DNAH11: variants seen among roughly 807,000 people sequenced by gnomAD.
DNAH11 encodes the protein axonemal beta dynein heavy chain 11.
A neutral mutation model predicts 526.0 loss-of-function variants in DNAH11; 442 were observed. The observed-to-expected ratio is 0.84, with a 90% CI of 0.78 to 0.91. The LOEUF (loss-of-function observed/expected upper bound fraction) is 0.91. DNAH11 is among the 40% of genes least tolerant of loss of function. The pLI, the probability that DNAH11 is intolerant of heterozygous loss-of-function variation, is 0.00. For missense variants in DNAH11, 6,989 were observed against 5,448.7 expected (o/e 1.28, Z -8.90); for synonymous variants, 2,461 against 1,935.9 (o/e 1.27, Z -7.12).
intron 76 of DNAH11, among the ~76,000 whole-genome samples, chr7:21,889,677 T>C (rs932305410): frequency 3.9e-5 from 6 of 152,232 alleles, no homozygotes; most frequent in Non-Finnish European, 7.3e-5. Context: ...CATGTTCTCA[T>C]TGGCCATTTG....
chr7:21,825,068 G>A (rs1449606962), intron 65 of DNAH11, among the ~76,000 whole-genome samples: 5 of 151,950 alleles, frequency 3.3e-5, no homozygotes, highest in Admixed American at 6.6e-5. Context: ...AACAGGTTTC[G>A]CCATGTTGAC....
intron 44 of DNAH11, among the ~76,000 whole-genome samples, chr7:21,725,454 G>A (rs917288701): frequency 6.6e-6 from 1 of 152,182 alleles, no homozygotes; most frequent in Non-Finnish European, 1.5e-5. Flanking sequence ...ACAAAGGACA[G>A]TATTTAAATC....
In DNAH11 at chr7:21,650,863, C is replaced by T. The variant is rs562596885; in HGVS notation, c.4945-4969C>T. Among the ~76,000 whole-genome samples, 14 of 151,824 alleles carry T rather than the reference C, an allele frequency of 9.2e-5. No individual in the cohort carries two copies. The South Asian group carries it at 2.7e-3, about 29-fold the overall frequency. ...CCATATTGGCCAGGCTGGTCTCGAA[C>T]TCCTGACCTCAGGTGATCCACTTGC... On this transcript the variant is annotated intron_variant, in intron 28 of 81. Coordinates refer to ENST00000409508, the MANE Select transcript of DNAH11 (RefSeq NM_001277115.2).
intron 54 of DNAH11, among the ~76,000 whole-genome samples, chr7:21,763,409 C>T (rs988353729): frequency 1.4e-5 from 2 of 146,456 alleles, no homozygotes; most frequent in Non-Finnish European, 3.0e-5. Context: ...AGATACACAA[C>T]ATCACTAATC....
In DNAH11 at chr7:21,901,554, A is replaced by ACAAGACTCCATCTC. The variant is rs1398387519; in HGVS notation, c.*301_*314dup. The ACAAGACTCCATCTC allele has an allele frequency of 4.4e-6, 1 of 227,130 alleles. No individual in the cohort carries two copies. Among genetic ancestry groups the ACAAGACTCCATCTC allele is most frequent in the African/African-American group, 2.3e-5 (1 of 44,306 alleles). 14.1% of individuals were successfully genotyped at this position (227,130 alleles called of 1,614,324 possible). On this transcript the variant is annotated 3_prime_UTR_variant, in exon 82 of 82. Transcript: ENST00000409508. ...ACTGCACTCCCTCCTGGGCAACAGA[A>ACAAGACTCCATCTC]CAAGACTCCATCTCAAAAAAAAAAA...
chr7:21,688,500 C>A (rs1783478382), intron 34 of DNAH11, among the ~76,000 whole-genome samples: 1 of 152,150 alleles, frequency 6.6e-6, no homozygotes, highest in Non-Finnish European at 1.5e-5. Flanking sequence ...TTTAAAAAAA[C>A]TCTCTCTATG....
chr7:21,745,181 T>C, intron 51 of DNAH11, 118 bp downstream of exon 51: 1 of 1,027,268 alleles, frequency 9.7e-7, no homozygotes, highest in Non-Finnish European at 1.4e-6. Context: ...ATCTGCTGTT[T>C]GACATATAAT....
At chr7:21,684,999 A>G (rs1783310953) in intron 32 of DNAH11, among the ~76,000 whole-genome samples, 1 of 152,200 alleles carries the variant, frequency 6.6e-6, no homozygotes, top group African/African-American at 2.4e-5. Flanking sequence ...CTGGTTTGCT[A>G]TGGTAGTCCT....
intron 73 of DNAH11, among the ~76,000 whole-genome samples, chr7:21,872,674 T>G (rs1367762079): frequency 1.3e-5 from 2 of 152,196 alleles, no homozygotes; most frequent in Admixed American, 6.5e-5. Context: ...ATTTAATTTT[T>G]TGTGTGTGAT....
At chr7:21,811,502 G>A (rs1419129858) in intron 63 of DNAH11, among the ~76,000 whole-genome samples, 2 of 151,862 alleles carry the variant, frequency 1.3e-5, no homozygotes, top group Admixed American at 6.6e-5. Context: ...CAAACTTTAC[G>A]AGGGACCTAG....
intron 79 of DNAH11, among the ~76,000 whole-genome samples, chr7:21,896,670 G>A (rs1382352250): frequency 2.0e-5 from 3 of 152,218 alleles, no homozygotes; most frequent in Non-Finnish European, 2.9e-5. Context: ...ACCTCTTAAC[G>A]TTTTCAGTGT....
Position 21,901,195 on chromosome 7 carries a change from A to G in DNAH11, c.13492A>G (p.Ser4498Gly). 1.9e-6 allele frequency: 3 copies of G among 1,613,668 alleles called. No individual in the cohort carries two copies. The highest frequency in any genetic ancestry group is 2.5e-6 in the Non-Finnish European group (3 of 1,179,722). The change falls in exon 82 of 82, where the codon AGC becomes GGC. Residue 4498 changes from serine (S) to glycine (G), a missense_variant. Physicochemically the swap from Ser to Gly is moderately conservative, Grantham distance 56. Coordinates refer to ENST00000409508, the MANE Select transcript of DNAH11 (RefSeq NM_001277115.2). ...PSYIWTFRLK[S>G]EEKTAKWVLA... ...CTACATCTGGACCTTCAGGCTGAAG[A>G]GCGAAGAGAAGACTGCAAAATGGGT...
chr7:21,681,193 G>A (rs571388934), intron 30 of DNAH11, among the ~76,000 whole-genome samples: 3 of 152,204 alleles, frequency 2.0e-5, no homozygotes, highest in South Asian at 2.1e-4. Flanking sequence ...TTGGGAGGCC[G>A]AGGTAGGCAG....
At chr7:21,601,650 C>T (rs1785096851) in intron 18 of DNAH11, 32 bp downstream of exon 18, 6 of 1,463,044 alleles carry the variant, frequency 4.1e-6, no homozygotes, top group Non-Finnish European at 5.5e-6. Context: ...TCATAATTAC[C>T]ATAAATTGAG....
At chr7:21,642,945 GGTCAAGT>G in intron 28 of DNAH11, among the ~76,000 whole-genome samples, 1 of 152,232 alleles carries the variant, frequency 6.6e-6, no homozygotes, top group Non-Finnish European at 1.5e-5. Context: ...GTTTGGTTAA[GGTCAAGT>G]TTTAAAAATT....
chr7:21,750,415 C>T (rs1159607724), intron 54 of DNAH11, 51 bp downstream of exon 54: 3 of 1,548,726 alleles, frequency 1.9e-6, no homozygotes, highest in African/African-American at 2.8e-5. Flanking sequence ...GCTATTGCAA[C>T]TCTCTGGTTC....
chr7:21,600,243 T>C (rs1785024801), intron 15 of DNAH11, 124 bp downstream of exon 15: 1 of 860,324 alleles, frequency 1.2e-6, no homozygotes, highest in South Asian at 2.4e-5. Flanking sequence ...GAGGATTGCT[T>C]GGGCCCAAGA....
intron 54 of DNAH11, among the ~76,000 whole-genome samples, chr7:21,759,307 T>C (rs1412603518): frequency 1.3e-5 from 2 of 152,228 alleles, no homozygotes; most frequent in African/African-American, 2.4e-5. Context: ...GTCCAATATT[T>C]ACACAAGTCA....
At position 21,750,326 on chromosome 7, in the gene DNAH11, T is replaced by C; in HGVS notation, c.8902T>C (p.Trp2968Arg). The change falls in exon 54 of 82, where the codon TGG (tryptophan) becomes CGG (arginine). Residue 2968 changes from tryptophan (W) to arginine (R), a missense_variant. Trp to Arg is a moderately radical substitution (Grantham distance 101, BLOSUM62 -3). Transcript: ENST00000409508. The stretch of plus-strand genomic sequence containing the variant: ...CATGGTAGACTCCAGGGAAAACTGT[T>C]GGAAATTCTTTATGGCCAGGGTGCG... ...LGMVDSRENCWKFFMARVRLQ... is the reference protein window; with the variant it reads ...LGMVDSRENCRKFFMARVRLQ... The C allele has an allele frequency of 1.2e-6, 2 of 1,605,864 alleles. No individual in the cohort carries two copies. Among genetic ancestry groups the C allele is most frequent in the African/African-American group, 1.3e-5 (1 of 74,962 alleles).
Sources: gnomAD v4.1 joint callset for allele counts (sites outside exome capture counted in the v4.1 genomes callset) on GRCh38, gnomAD v4.1.1 for gene constraint, MANE v1.5 for transcripts, NCBI Gene and HGNC (gene_info 2026-07-23, HGNC 2026-07-21) for gene names.